The following MICU3 variants were observed in gnomAD, a reference collection of about 807,000 sequenced individuals.
The protein encoded by MICU3 is mitochondrial calcium uptake 3, also known as calcium uptake protein 3, mitochondrial.
In MICU3, 62 loss-of-function variants were observed where a neutral mutation model predicts 66.5. The ratio of observed to expected loss-of-function variants is 0.93; its 90% CI spans 0.76 to 1.15. MICU3 has a LOEUF of 1.15. Ranked by LOEUF, MICU3 falls within the 50% of genes most tolerant of loss-of-function variation. MICU3 has a pLI of 0.00. For missense variants in MICU3, 779 were observed against 664.4 expected, an observed-to-expected ratio of 1.17 and a Z score of -1.90; for synonymous variants, 308 against 240.7, an observed-to-expected ratio of 1.28 and a Z score of -2.59.
At chr8:17,108,844 T>C (rs1396653778) in intron 11 of MICU3, among the ~76,000 whole-genome samples, 4 of 152,286 alleles carry the variant, frequency 2.6e-5, no homozygotes, top group East Asian at 3.9e-4. Context: ...CAGTGGCTCC[T>C]ACACACACTG....
At chr8:17,124,241 C>A (rs1203257779), downstream of MICU3, among the ~76,000 whole-genome samples, 2 of 152,034 alleles carry the variant, frequency 1.3e-5, no homozygotes, top group African/African-American at 4.8e-5. Context: ...ATGTCATCTT[C>A]AGTTATTATA....
chr8:17,056,015 C>G (rs908745695), intron 1 of MICU3, among the ~76,000 whole-genome samples: 11 of 152,192 alleles, frequency 7.2e-5, no homozygotes, highest in African/African-American at 1.9e-4. Flanking sequence ...ACCACACACA[C>G]TAAGACCCAC....
chr8:17,088,489 T>C (rs1266783282), intron 7 of MICU3, among the ~76,000 whole-genome samples: 1 of 152,018 alleles, frequency 6.6e-6, no homozygotes, highest in Non-Finnish European at 1.5e-5. Context: ...AATTTTGATA[T>C]ATTACCTCTA....
At chr8:17,085,018 C>G (rs534650266) in intron 5 of MICU3, among the ~76,000 whole-genome samples, 24 of 152,104 alleles carry the variant, frequency 1.6e-4, no homozygotes, top group African/African-American at 5.1e-4. Context: ...AAATTTTTCT[C>G]TCAGTGCTAT....
chr8:17,130,741 T>A, the MICU3 span, among the ~76,000 whole-genome samples: 2 of 152,154 alleles, frequency 1.3e-5, no homozygotes, highest in South Asian at 2.1e-4. Context: ...TAATTTTTTT[T>A]AAATGGCTAA....
intron 1 of MICU3, among the ~76,000 whole-genome samples, chr8:17,038,964 AAAAT>A (rs1179435705): frequency 6.7e-6 from 1 of 150,136 alleles, no homozygotes; most frequent in Admixed American, 6.6e-5. Flanking sequence ...AAAAAAAAAA[AAAAT>A]AAATAAATAA....
intron 10 of MICU3, 116 bp downstream of exon 10, chr8:17,104,607 G>C (rs909246548): frequency 2.2e-6 from 1 of 453,362 alleles, no homozygotes; most frequent in African/African-American, 2.0e-5. Flanking sequence ...TTTTAAATAA[G>C]ATCCTCTGTA....
chr8:17,100,344 C>T (rs1476068716), intron 9 of MICU3, among the ~76,000 whole-genome samples: 5 of 151,176 alleles, frequency 3.3e-5, no homozygotes, highest in Non-Finnish European at 7.4e-5. Context: ...TGGAGACAAT[C>T]AAGAAAGGAA....
the MICU3 span, among the ~76,000 whole-genome samples, chr8:17,134,964 C>T: frequency 6.6e-5 from 10 of 152,324 alleles, no homozygotes; most frequent in African/African-American, 2.2e-4. Flanking sequence ...TTATACTATA[C>T]CATTTCATTC....
chr8:17,123,948 TAAA>T (rs11366018), downstream of MICU3, among the ~76,000 whole-genome samples: 5,297 of 139,632 alleles, frequency 0.038, 142 homozygotes, highest in Non-Finnish European at 0.057. Context: ...CTAAAGTCTT[TAAA>T]AAAAAAAAAA....
At chr8:17,113,358 C>T (rs1244000945) in intron 11 of MICU3, among the ~76,000 whole-genome samples, 2 of 152,224 alleles carry the variant, frequency 1.3e-5, no homozygotes, top group Non-Finnish European at 2.9e-5. Flanking sequence ...AATGTGTATT[C>T]TCTAAGATAC....
the MICU3 span, among the ~76,000 whole-genome samples, chr8:17,129,772 A>G: frequency 6.6e-6 from 1 of 152,210 alleles, no homozygotes; most frequent in African/African-American, 2.4e-5. Flanking sequence ...CCAAATTTGA[A>G]GAAATGTGTA....
At chr8:17,097,816 T>C (rs115591333) in intron 8 of MICU3, among the ~76,000 whole-genome samples, 1 of 151,866 alleles carries the variant, frequency 6.6e-6, no homozygotes, top group African/African-American at 2.4e-5. Flanking sequence ...CTTCCTGATA[T>C]CTCCTTCAGA....
At chr8:17,084,330 T>C (rs1260304341) in intron 5 of MICU3, among the ~76,000 whole-genome samples, 1 of 152,124 alleles carries the variant, frequency 6.6e-6, no homozygotes, top group Non-Finnish European at 1.5e-5. Context: ...ACAAGTGAGC[T>C]TGCATAAAGG....
At chr8:17,098,791 A>T in intron 9 of MICU3, among the ~76,000 whole-genome samples, 1 of 151,762 alleles carries the variant, frequency 6.6e-6, no homozygotes, top group Non-Finnish European at 1.5e-5. Flanking sequence ...AGAAATTAGA[A>T]TATATATATT....
chr8:17,052,420 C>G (rs1816250006), intron 1 of MICU3, among the ~76,000 whole-genome samples: 1 of 152,062 alleles, frequency 6.6e-6, no homozygotes, highest in Non-Finnish European at 1.5e-5. Flanking sequence ...ATTACAGTCA[C>G]CCTACTGTGC....
intron 11 of MICU3, among the ~76,000 whole-genome samples, chr8:17,110,745 G>A (rs936741712): frequency 7.3e-5 from 11 of 151,560 alleles, no homozygotes; most frequent in African/African-American, 2.7e-4. Context: ...TTGGGGAGGG[G>A]GGGGTAGAGA....
chr8:17,111,663 A>C (rs1173890637), intron 11 of MICU3, among the ~76,000 whole-genome samples: 1 of 152,142 alleles, frequency 6.6e-6, no homozygotes, highest in African/African-American at 2.4e-5. Flanking sequence ...TTAAATTTAG[A>C]ACTTTGATCT....
At chr8:17,111,225 A>G (rs2150826230) in intron 11 of MICU3, among the ~76,000 whole-genome samples, 1 of 152,242 alleles carries the variant, frequency 6.6e-6, no homozygotes, top group South Asian at 2.1e-4. Context: ...CATGTTCTTT[A>G]TATAAACTGG....
Sources: gnomAD v4.1 joint callset for allele counts (sites outside exome capture counted in the v4.1 genomes callset) on GRCh38, gnomAD v4.1.1 for gene constraint, MANE v1.5 for transcripts, NCBI Gene and HGNC (gene_info 2026-07-23, HGNC 2026-07-21) for gene names.